Variants in CELSR1 observed in about 807,000 individuals in gnomAD.
CELSR1 encodes cadherin EGF LAG seven-pass G-type receptor 1.
In CELSR1, 110 loss-of-function variants were observed where a neutral mutation model predicts 249.1. That is an observed-to-expected ratio of 0.44 (90% CI 0.38 to 0.52). The LOEUF is 0.52. Among genes scored for constraint, CELSR1 ranks in the 20% least tolerant of loss-of-function variants. CELSR1 has a pLI of 0.00. For synonymous variants in CELSR1, 2,113 were observed against 1,900.0 expected (o/e 1.11, Z -2.92); for missense variants, 4,109 against 4,296.4 (o/e 0.96, Z 1.22).
chr22:46,495,290 C>A (rs1401832624), intron 1 of CELSR1, among the ~76,000 whole-genome samples: 1 of 152,150 alleles, frequency 6.6e-6, no homozygotes, highest in Admixed American at 6.6e-5. Context: ...GTACTGTAAG[C>A]AACTGTAATA....
intron 1 of CELSR1, among the ~76,000 whole-genome samples, chr22:46,486,483 G>A (rs2080314111): frequency 6.6e-6 from 1 of 151,926 alleles, no homozygotes. Context: ...GGGAGGCAGA[G>A]GTTGCAGTGA....
intron 23 of CELSR1, 63 bp downstream of exon 23, chr22:46,378,527 TG>T (rs1432056231): frequency 5.7e-6 from 8 of 1,402,380 alleles, no homozygotes; most frequent in Admixed American, 4.7e-5. Flanking sequence ...GGTGCAGGTT[TG>T]GGGGGGAGGG....
chr22:46,377,929 C>T (rs1054535946), intron 23 of CELSR1, among the ~76,000 whole-genome samples: 2 of 152,108 alleles, frequency 1.3e-5, no homozygotes, highest in Non-Finnish European at 2.9e-5. Context: ...GGGGAGGGGC[C>T]GGGGGAGGCT....
chr22:46,457,242 G>A (rs2079966513), intron 2 of CELSR1, among the ~76,000 whole-genome samples: 1 of 152,144 alleles, frequency 6.6e-6, no homozygotes, highest in Non-Finnish European at 1.5e-5. Flanking sequence ...CTACTCGGGA[G>A]GCTGAGGCCG....
chr22:46,431,890 A>G (rs2079600102), intron 5 of CELSR1, among the ~76,000 whole-genome samples: 2 of 152,202 alleles, frequency 1.3e-5, no homozygotes, highest in Admixed American at 1.3e-4. Flanking sequence ...TCTGTCAAGC[A>G]CATGGTTCTC....
chr22:46,466,500 C>A (rs887777384), intron 1 of CELSR1, among the ~76,000 whole-genome samples: 9 of 152,188 alleles, frequency 5.9e-5, no homozygotes, highest in Admixed American at 4.6e-4. Flanking sequence ...AGCCCCAGAC[C>A]CCAGATGTGA....
intron 1 of CELSR1, among the ~76,000 whole-genome samples, chr22:46,522,279 C>T (rs1308815679): frequency 6.6e-6 from 1 of 152,170 alleles, no homozygotes; most frequent in Non-Finnish European, 1.5e-5. Context: ...GTTCATGCTA[C>T]CACACCCAGC....
rs1393190304 is a variant in CELSR1 at position 46,535,018 on chromosome 22, C to G, written c.2153G>C (p.Ser718Thr). 6.2e-7 allele frequency: 1 copy of G among 1,612,390 alleles called. No individual in the cohort carries two copies. The highest frequency in any genetic ancestry group is 8.5e-7 in the Non-Finnish European group (1 of 1,179,882). ...TLQARDRDAN[S>T]VITYQLTGGN... is the part of the protein sequence containing the mutation. Reference sequence around the variant, plus strand: ...GCCTGTGAGCTGGTAGGTAATCACACTGTTGGCGTCACGGTCGCGGGCCTG... The same window carrying G: ...GCCTGTGAGCTGGTAGGTAATCACAGTGTTGGCGTCACGGTCGCGGGCCTG... Residue 718 changes from serine to threonine, a missense_variant, in exon 1 of 35, where the codon AGT becomes ACT. By Grantham distance (58) the Ser-to-Thr change is moderately conservative. Transcript: ENST00000674500.
chr22:46,393,993 C>T lies in CELSR1; in HGVS notation c.5964+149G>A. On this transcript the variant is annotated intron_variant, in intron 14 of 34. Coordinates refer to ENST00000674500, the MANE Select transcript of CELSR1 (RefSeq NM_001378328.1). This position sits in a 1 kb window ranked among gnomAD's most constrained non-coding sequence, Gnocchi z 4.1. ...AAGGAAACCAAAAACCACATCTGTA[C>T]ACAAATGTGATGTGAGTGGGCACAG... is the stretch of plus-strand genomic sequence containing the variant. 9.4e-7 allele frequency: 1 copy of T among 1,068,794 alleles called. No individual in the cohort carries two copies. The highest frequency in any genetic ancestry group is 1.3e-6 in the Non-Finnish European group (1 of 756,506). 66.2% of individuals were successfully genotyped at this position (1,068,794 alleles called of 1,614,324 possible).
chr22:46,396,658 CTG>C lies in CELSR1; in HGVS notation c.5788_5789del (p.Gln1930GlyfsTer16). 1.9e-6 allele frequency: 3 copies of C among 1,612,288 alleles called. No homozygotes were observed. Among genetic ancestry groups the C allele is most frequent in the Non-Finnish European group, 2.5e-6 (3 of 1,179,172 alleles). On this transcript the variant is annotated frameshift_variant, in exon 13 of 35. Transcript: ENST00000674500. LOFTEE classifies it high-confidence loss of function. This position sits in a 1 kb window ranked among gnomAD's most constrained non-coding sequence, Gnocchi z 6.4. ...GACVRSPGSP[Q>X]GYVCECGPSH... ...TGGGCCCACACTCGCACACGTAGCC[CTG>C]CGGGGAGCCGGGGGAGCGCACGCAG...
rs1446374871 is a variant in CELSR1 at position 46,361,250 on chromosome 22, CG to C, written c.*1972del. Reference sequence around the variant, plus strand: ...AGTGTTTTGAACATTAATAAATACACGTTCTGTTAAAAACCTCCAGTGTCTA... The same window carrying C: ...AGTGTTTTGAACATTAATAAATACACTTCTGTTAAAAACCTCCAGTGTCTA... On this transcript the variant is annotated 3_prime_UTR_variant, in exon 35 of 35. Transcript: ENST00000674500. 6.6e-6 allele frequency: 1 copy of C among 151,768 alleles called. No individual in the cohort carries two copies. Among genetic ancestry groups the C allele is most frequent in the African/African-American group, 2.5e-5 (1 of 40,672 alleles). The allele number at this position is 151,768 out of a possible 1,614,324, so 9.4% of individuals were successfully genotyped here. A position where few individuals can be genotyped will look rare whatever the true frequency, so the allele number is the denominator to read the frequency against.
In CELSR1 at chr22:46,397,666, G is replaced by A. The variant is rs767151584; in HGVS notation, c.5701+8C>T. On this transcript the variant is annotated splice_region_variant and intron_variant, in intron 12 of 34. Coordinates refer to ENST00000674500, the MANE Select transcript of CELSR1 (RefSeq NM_001378328.1). ...TGTCACTGAAGGGCCCCGGGAGGGCGGTCCCACCTTTGTCACAGACGCAGC... is the reference window on the plus strand; with the variant it reads ...TGTCACTGAAGGGCCCCGGGAGGGCAGTCCCACCTTTGTCACAGACGCAGC... 2.4e-5 allele frequency: 36 copies of A among 1,480,166 alleles called. No individual in the cohort carries two copies. The highest frequency in any genetic ancestry group is 1.8e-4 in the Middle Eastern group (1 of 5,586). The allele number at this position is 1,480,166 out of a possible 1,614,324, so 91.7% of individuals were successfully genotyped here.
At chr22:46,414,124 C>T (rs148817991) in intron 5 of CELSR1, among the ~76,000 whole-genome samples, 6 of 152,300 alleles carry the variant, frequency 3.9e-5, no homozygotes, top group Non-Finnish European at 7.4e-5. Context: ...TTTCGAGTGG[C>T]ACTGACTCAT....
chr22:46,469,112 C>A (rs927429359), intron 1 of CELSR1, among the ~76,000 whole-genome samples: 5 of 152,102 alleles, frequency 3.3e-5, no homozygotes, highest in African/African-American at 1.2e-4. Context: ...TAGCCTATGA[C>A]CCACAGGCAT....
At chr22:46,397,974 C>A in intron 11 of CELSR1, 126 bp from the exon 12 acceptor site, 1 of 852,634 alleles carries the variant, frequency 1.2e-6, no homozygotes, top group Non-Finnish European at 1.7e-6. Flanking sequence ...ATCTACAGAG[C>A]TGGGGCGGGC....
Position 46,429,329 on chromosome 22 carries a change from C to G in CELSR1, c.4611+4064G>C, listed in dbSNP as rs548762363. Among the ~76,000 whole-genome samples, 63 of 152,222 alleles carry G rather than the reference C, an allele frequency of 4.1e-4. No homozygotes were observed. The highest frequency in any genetic ancestry group is 1.4e-3 in the African/African-American group (57 of 41,496). On this transcript the variant is annotated intron_variant, in intron 5 of 34. Coordinates refer to ENST00000674500, the MANE Select transcript of CELSR1 (RefSeq NM_001378328.1). The surrounding 1 kb of genome is among the most constrained non-coding windows in gnomAD (Gnocchi z 4.1). ...AGTTGTGGACACACCTTCAAACCAG[C>G]CTTGAGGGAAAAAACAAACAAACAA... is the stretch of plus-strand genomic sequence containing the variant.
rs2080162091 is a variant in CELSR1 at position 46,472,153 on chromosome 22, G to A, written c.3545-7808C>T. ...CCTCATTGTGGCTGAGACATGGGAAGGAGACAGAGCAGACGGCAGAGCGCG... is the reference window on the plus strand; with the variant it reads ...CCTCATTGTGGCTGAGACATGGGAAAGAGACAGAGCAGACGGCAGAGCGCG... On this transcript the variant is annotated intron_variant, in intron 1 of 34. Transcript: ENST00000674500. The surrounding 1 kb of genome is among the most constrained non-coding windows in gnomAD (Gnocchi z 7.0). Among the ~76,000 whole-genome samples the A allele has an allele frequency of 6.6e-6, 1 of 152,216 alleles. No individual in the cohort carries two copies. The highest frequency in any genetic ancestry group is 1.5e-5 in the Non-Finnish European group (1 of 68,044).
intron 25 of CELSR1, among the ~76,000 whole-genome samples, chr22:46,372,457 A>AC (rs1196033972): frequency 1.0e-4 from 1 of 9,722 alleles, no homozygotes; most frequent in Non-Finnish European, 1.9e-4. Context: ...CCATCCACTC[A>AC]CCCCCCATCC....
At position 46,471,927 on chromosome 22, in the gene CELSR1, C is replaced by A. The variant is rs564747183; in HGVS notation, c.3545-7582G>T. On this transcript the variant is annotated intron_variant, in intron 1 of 34. Coordinates refer to ENST00000674500, the MANE Select transcript of CELSR1 (RefSeq NM_001378328.1). The surrounding 1 kb of genome is among the most constrained non-coding windows in gnomAD (Gnocchi z 4.9). ...CAGGTGATGACGACTTTCTGCCTCA[C>A]GCTGTCCCCCGTGGTTTCATTTCTG... Among the ~76,000 whole-genome samples the A allele has an allele frequency of 6.6e-6, 1 of 152,168 alleles. No homozygotes were observed. Among genetic ancestry groups the A allele is most frequent in the African/African-American group, 2.4e-5 (1 of 41,444 alleles).
Sources: gnomAD v4.1 joint callset for allele counts (sites outside exome capture counted in the v4.1 genomes callset) on GRCh38, gnomAD v4.1.1 for gene constraint, Gnocchi (gnomAD v3.1) non-coding constraint, MANE v1.5 for transcripts, NCBI Gene and HGNC (gene_info 2026-07-23, HGNC 2026-07-21) for gene names.